The following FHIT variants were observed in gnomAD, a reference collection of about 807,000 sequenced individuals.
FHIT encodes bis(5'-adenosyl)-triphosphatase.
A neutral mutation model predicts 17.9 loss-of-function variants in FHIT; 19 were observed. The observed-to-expected ratio is 1.06, with a 90% CI of 0.74 to 1.56. The LOEUF (loss-of-function observed/expected upper bound fraction) is 1.56. Among genes scored for constraint, FHIT ranks in the 40% most tolerant of loss-of-function variants. The pLI, the probability that FHIT is intolerant of heterozygous loss-of-function variation, is 0.00. For synonymous variants in FHIT, 81 were observed against 69.7 expected (o/e 1.16, Z -0.81); for missense variants, 248 against 189.2 (o/e 1.31, Z -1.82).
intron 3 of FHIT, among the ~76,000 whole-genome samples, chr3:60,890,259 G>C (rs1553760353): frequency 7.9e-6 from 1 of 127,098 alleles, no homozygotes. Context: ...GGCCAATCCA[G>C]AATACTACAT....
chr3:60,008,134 A>C (rs955782849), intron 7 of FHIT, among the ~76,000 whole-genome samples: 16 of 152,182 alleles, frequency 1.1e-4, no homozygotes, highest in African/African-American at 3.9e-4. Context: ...AAGACAATGA[A>C]GAATGCCTCG....
rs574401682 is a variant in FHIT, at chr3:60,238,048, A to G, written c.104-223896T>C. Reference sequence around the variant, plus strand: ...GTAACCTCAGATACTTGGGAGGCTGAGGCAGGAAAATCGCTTGAGCCTTGG... The same window carrying G: ...GTAACCTCAGATACTTGGGAGGCTGGGGCAGGAAAATCGCTTGAGCCTTGG... On this transcript the variant is annotated intron_variant, in intron 5 of 9. Coordinates refer to ENST00000492590, the MANE Select transcript of FHIT (RefSeq NM_002012.4). 2.7e-5 allele frequency among the ~76,000 whole-genome samples: 4 copies of G among 150,332 alleles called. No individual in the cohort carries two copies. The East Asian group carries it at 7.9e-4, about 30-fold the overall frequency.
intron 5 of FHIT, among the ~76,000 whole-genome samples, chr3:60,427,129 A>G (rs1702700233): frequency 6.6e-6 from 1 of 152,130 alleles, no homozygotes; most frequent in South Asian, 2.1e-4. Context: ...TAAAGGAAGA[A>G]ATAATTCAAA....
chr3:60,231,772 C>CTA (rs1171517033), intron 5 of FHIT, among the ~76,000 whole-genome samples: 1 of 152,122 alleles, frequency 6.6e-6, no homozygotes, highest in Admixed American at 6.5e-5. Flanking sequence ...ATTGGCTAGG[C>CTA]TATAGTTCCC....
intron 3 of FHIT, among the ~76,000 whole-genome samples, chr3:60,861,204 T>TATCATATC (rs1553752375): frequency 0.052 from 41 of 782 alleles, 10 homozygotes; most frequent in Non-Finnish European, 0.086. Flanking sequence ...TCATATATGA[T>TATCATATC]ATATATGATA....
intron 4 of FHIT, among the ~76,000 whole-genome samples, chr3:60,731,829 C>G (rs929201317): frequency 6.6e-6 from 1 of 152,186 alleles, no homozygotes; most frequent in Non-Finnish European, 1.5e-5. Context: ...CTGACCATCA[C>G]CTGATGGTCG....
chr3:59,956,017 A>G (rs1334261813), intron 7 of FHIT, among the ~76,000 whole-genome samples: 2 of 152,178 alleles, frequency 1.3e-5, no homozygotes, highest in Non-Finnish European at 2.9e-5. Context: ...ATACTTCTTC[A>G]AACTTCTCCA....
At chr3:60,955,244 G>A (rs181128826) in intron 3 of FHIT, among the ~76,000 whole-genome samples, 6 of 152,136 alleles carry the variant, frequency 3.9e-5, no homozygotes, top group East Asian at 1.9e-4. Context: ...AAGGAACTAC[G>A]GCCACATGCA....
rs561851535 is a variant in FHIT at position 60,359,313 on chromosome 3, G to A, written c.103+177547C>T. ...TTTTTTTTTTTTGAGATGGAGCCTC[G>A]CTCTATCGCCAAGCTGGAGTACAGT... On this transcript the variant is annotated intron_variant, in intron 5 of 9. Transcript: ENST00000492590. 2.1e-4 allele frequency among the ~76,000 whole-genome samples: 26 copies of A among 122,754 alleles called. No homozygotes were observed. The South Asian group carries it at 3.4e-3, about 16-fold the overall frequency. 80.5% of individuals were successfully genotyped at this position (122,754 alleles called of 152,430 possible). A position where few individuals can be genotyped will look rare whatever the true frequency, so the allele number is the denominator to read the frequency against.
chr3:59,866,854 C>T (rs146981173), intron 8 of FHIT, among the ~76,000 whole-genome samples: 235 of 152,164 alleles, frequency 1.5e-3, no homozygotes, highest in African/African-American at 5.1e-3. Context: ...TGTCTCTCAC[C>T]GGCAATCGCA....
At chr3:60,489,541 C>T (rs915634943) in intron 5 of FHIT, among the ~76,000 whole-genome samples, 2 of 152,204 alleles carry the variant, frequency 1.3e-5, no homozygotes, top group African/African-American at 4.8e-5. Context: ...ACCCTGCATA[C>T]ATTAAAGCCA....
At chr3:61,212,782 T>C (rs945826580) in intron 1 of FHIT, among the ~76,000 whole-genome samples, 15 of 152,186 alleles carry the variant, frequency 9.9e-5, no homozygotes, top group Non-Finnish European at 1.8e-4. Context: ...AAGGGAAGCC[T>C]ATCAGACTAA....
intron 8 of FHIT, among the ~76,000 whole-genome samples, chr3:59,824,727 T>C (rs1700916446): frequency 6.6e-6 from 1 of 152,192 alleles, no homozygotes; most frequent in Non-Finnish European, 1.5e-5. Flanking sequence ...GGTGAGTACA[T>C]CAATATTACA....
chr3:60,645,720 G>A (rs955997153), intron 4 of FHIT, among the ~76,000 whole-genome samples: 17 of 152,124 alleles, frequency 1.1e-4, no homozygotes, highest in African/African-American at 2.9e-4. Flanking sequence ...TACTACCTAC[G>A]TCGTACACAT....
chr3:60,889,735 G>A (rs1444137784), intron 3 of FHIT, among the ~76,000 whole-genome samples: 1 of 152,084 alleles, frequency 6.6e-6, no homozygotes, highest in Non-Finnish European at 1.5e-5. Context: ...AATAAATATT[G>A]ACAGAAATAG....
chr3:60,142,349 T>G (rs751858157), intron 5 of FHIT, among the ~76,000 whole-genome samples: 3 of 152,212 alleles, frequency 2.0e-5, no homozygotes, highest in Non-Finnish European at 4.4e-5. Flanking sequence ...GAAAGAAGTA[T>G]TCAATAAATG....
intron 3 of FHIT, among the ~76,000 whole-genome samples, chr3:60,940,024 T>C (rs782260763): frequency 6.6e-6 from 1 of 152,124 alleles, no homozygotes; most frequent in Non-Finnish European, 1.5e-5. Flanking sequence ...GCTTCATTAA[T>C]TAGATTTTAA....
intron 4 of FHIT, among the ~76,000 whole-genome samples, chr3:60,779,825 A>G (rs1448081979): frequency 1.3e-5 from 2 of 152,188 alleles, no homozygotes; most frequent in African/African-American, 4.8e-5. Flanking sequence ...CCTGCTGATT[A>G]AGCCAACCCC....
At chr3:60,322,034 T>C (rs1709456219) in intron 5 of FHIT, among the ~76,000 whole-genome samples, 1 of 152,224 alleles carries the variant, frequency 6.6e-6, no homozygotes, top group Non-Finnish European at 1.5e-5. Context: ...CTTAGCAATA[T>C]TCATCCATGC....
Sources: gnomAD v4.1 joint callset for allele counts (sites outside exome capture counted in the v4.1 genomes callset) on GRCh38, gnomAD v4.1.1 for gene constraint, MANE v1.5 for transcripts, NCBI Gene and HGNC (gene_info 2026-07-23, HGNC 2026-07-21) for gene names.